Variants in SLC23A2 observed in about 807,000 individuals in gnomAD.
SLC23A2 encodes Na(+)/L-ascorbic acid transporter 2.
In SLC23A2, 36 loss-of-function variants were observed where a neutral mutation model predicts 73.3. The observed-to-expected ratio is 0.49, with a 90% CI of 0.38 to 0.65. The LOEUF is 0.65. SLC23A2 is among the 30% of genes least tolerant of loss of function. SLC23A2 has a pLI of 0.00. For synonymous variants in SLC23A2, 343 were observed against 327.3 expected (o/e 1.05, Z -0.52); for missense variants, 507 against 841.6 (o/e 0.60, Z 4.92).
At chr20:4,980,496 T>C (rs760145483) in intron 1 of SLC23A2, among the ~76,000 whole-genome samples, 20 of 152,100 alleles carry the variant, frequency 1.3e-4, no homozygotes, top group Non-Finnish European at 2.8e-4. Flanking sequence ...AAAATAGTTA[T>C]ATATATTGTA....
At chr20:4,971,350 G>T (rs2087557907) in intron 1 of SLC23A2, among the ~76,000 whole-genome samples, 1 of 151,218 alleles carries the variant, frequency 6.6e-6, no homozygotes, top group Admixed American at 6.6e-5. Context: ...GCCAAGTGTG[G>T]TGGTGCACAC....
In SLC23A2 at chr20:4,984,611, AAT is replaced by A. The variant is rs369120425; in HGVS notation, c.-281-13694_-281-13693del. On this transcript the variant is annotated intron_variant, in intron 1 of 16. Transcript: ENST00000338244. ...AACAAAAAAATGAGCCAAGAATTTG[AAT>A]AGACATCACTGCAAAGACAGCATAC... is the stretch of plus-strand genomic sequence containing the variant. 6.4e-3 allele frequency among the ~76,000 whole-genome samples: 970 copies of A among 152,234 alleles called. 51 individuals are homozygous for A. The South Asian group carries it at 0.14, about 22-fold the overall frequency.
chr20:4,901,076 T>C (rs1433212509), intron 5 of SLC23A2, among the ~76,000 whole-genome samples: 4 of 152,192 alleles, frequency 2.6e-5, no homozygotes, highest in South Asian at 2.1e-4. Flanking sequence ...GGAACATTTA[T>C]AAGATAAACA....
intron 9 of SLC23A2, among the ~76,000 whole-genome samples, chr20:4,881,755 T>G (rs1930893501): frequency 6.6e-6 from 1 of 152,244 alleles, no homozygotes. Context: ...GCTTTAAAGG[T>G]TGTGAATTTT....
At chr20:4,898,744 G>A (rs576882648) in intron 6 of SLC23A2, among the ~76,000 whole-genome samples, 84 of 152,368 alleles carry the variant, frequency 5.5e-4, no homozygotes, top group Non-Finnish European at 9.7e-4. Flanking sequence ...GGCTGGAAAT[G>A]CAGAAGTGAA....
At chr20:4,879,290 T>C (rs2122817249) in intron 9 of SLC23A2, among the ~76,000 whole-genome samples, 1 of 151,452 alleles carries the variant, frequency 6.6e-6, no homozygotes, top group South Asian at 2.1e-4. Flanking sequence ...ATGCCTGTAA[T>C]CCCAGCGACT....
intron 10 of SLC23A2, 39 bp downstream of exon 10, chr20:4,874,537 G>A: frequency 6.4e-7 from 1 of 1,564,438 alleles, no homozygotes; most frequent in Non-Finnish European, 8.7e-7. Context: ...TATTAACCAA[G>A]GGCAAAAATG....
chr20:4,861,748 C>G (rs1323423556), intron 15 of SLC23A2, among the ~76,000 whole-genome samples, 200 bp downstream of exon 15: 1 of 152,182 alleles, frequency 6.6e-6, no homozygotes. Context: ...GCATCCATGA[C>G]TGTTATGTGT....
At chr20:4,866,241 A>C (rs1159999128) in intron 13 of SLC23A2, among the ~76,000 whole-genome samples, 1 of 152,238 alleles carries the variant, frequency 6.6e-6, no homozygotes, top group African/African-American at 2.4e-5. Context: ...GAATAATGAC[A>C]ACAAAAAGTT....
intron 11 of SLC23A2, 96 bp from the exon 12 acceptor site, chr20:4,870,149 A>G (rs1930387263): frequency 9.9e-7 from 1 of 1,007,272 alleles, no homozygotes; most frequent in Admixed American, 2.5e-5. Flanking sequence ...GCAAGACTCT[A>G]CAAGATCCAC....
Position 4,916,283 on chromosome 20 carries a change from T to G in SLC23A2, c.109-3305A>C, listed in dbSNP as rs75191393. On this transcript the variant is annotated intron_variant, in intron 3 of 16. Coordinates refer to ENST00000338244, the MANE Select transcript of SLC23A2 (RefSeq NM_005116.6). ...AGCCAAGAGCAACACGCTCTCAGGATGAACTCTCCTAAAACACGGATCAGT... is the reference window on the plus strand; with the variant it reads ...AGCCAAGAGCAACACGCTCTCAGGAGGAACTCTCCTAAAACACGGATCAGT... Among the ~76,000 whole-genome samples the G allele has an allele frequency of 7.4e-4, 112 of 152,292 alleles. 1 individual carries two copies. The highest frequency in any genetic ancestry group is 2.6e-3 in the African/African-American group (109 of 41,556).
Position 4,868,072 on chromosome 20 carries a change from ATTTTTTTTTT to A in SLC23A2, c.1251-207_1251-198del, listed in dbSNP as rs574379772. On this transcript the variant is annotated intron_variant, in intron 12 of 16. Transcript: ENST00000338244. The surrounding 1 kb of genome is among the most constrained non-coding windows in gnomAD (Gnocchi z 4.4). ...CCTGCTGAAGCAGAAAAGAATCTGC[ATTTTTTTTTT>A]TTTTTTTTTTTTTTTTAGAGAGTGT... Among the ~76,000 whole-genome samples the A allele has an allele frequency of 4.7e-4, 44 of 94,414 alleles. No individual in the cohort carries two copies. The highest frequency in any genetic ancestry group is 1.9e-3 in the African/African-American group (39 of 20,600). 61.9% of individuals were successfully genotyped at this position (94,414 alleles called of 152,430 possible).
At chr20:4,915,466 T>C (rs1362705077) in intron 3 of SLC23A2, among the ~76,000 whole-genome samples, 1 of 152,204 alleles carries the variant, frequency 6.6e-6, no homozygotes, top group Non-Finnish European at 1.5e-5. Context: ...AATGAGTAAG[T>C]ACAATTTATT....
intron 1 of SLC23A2, among the ~76,000 whole-genome samples, chr20:4,986,651 C>CATACAT (rs879416930): frequency 7.0e-4 from 62 of 89,196 alleles, no homozygotes; most frequent in Non-Finnish European, 9.7e-4. Flanking sequence ...TACACACATA[C>CATACAT]ACACACACAC....
chr20:4,963,017 G>T (rs936581854), intron 2 of SLC23A2, among the ~76,000 whole-genome samples: 2 of 152,002 alleles, frequency 1.3e-5, no homozygotes, highest in Admixed American at 1.3e-4. Context: ...GCCAGATGAT[G>T]GCAAAGAGGA....
At position 4,854,881 on chromosome 20, in the gene SLC23A2, A is replaced by T. The variant is rs886955011; in HGVS notation, c.*2091T>A. The T allele has an allele frequency of 6.6e-6, 1 of 152,224 alleles. No homozygotes were observed. The highest frequency in any genetic ancestry group is 1.9e-4 in the East Asian group (1 of 5,196). 9.4% of individuals were successfully genotyped at this position (152,224 alleles called of 1,614,324 possible). ...TCACCTGGAGAGCTAGAAGATTGCA[A>T]ATCTCTGGGATGTTTAGCAGTTTTC... On this transcript the variant is annotated 3_prime_UTR_variant, in exon 17 of 17. Transcript: ENST00000338244.
At position 4,902,501 on chromosome 20, in the gene SLC23A2, T is replaced by C. The variant is rs1174486727; in HGVS notation, c.265A>G (p.Met89Val). The C allele has an allele frequency of 1.2e-6, 2 of 1,613,400 alleles. No individual in the cohort carries two copies. Among genetic ancestry groups the C allele is most frequent in the Admixed American group, 1.7e-5 (1 of 59,972 alleles). Reference protein sequence around the residue: ...TGSLDPQRSDMIYTIEDVPPW... With the variant: ...TGSLDPQRSDVIYTIEDVPPW... ...GGAACATCTTCTATGGTATAAATCA[T>C]GTCTGATCGCTGGGGGTCCAGACTG... The change falls in exon 5 of 17, where the codon ATG becomes GTG. Residue 89 changes from methionine (M) to valine (V), a missense_variant. Transcript: ENST00000338244. This position sits in a 1 kb window ranked among gnomAD's most constrained non-coding sequence, Gnocchi z 4.0.
At chr20:4,866,769 A>G (rs1348775175) in intron 13 of SLC23A2, among the ~76,000 whole-genome samples, 2 of 152,158 alleles carry the variant, frequency 1.3e-5, no homozygotes, top group Non-Finnish European at 2.9e-5. Flanking sequence ...CTTACATGGC[A>G]AAGGAGAGCT....
At chr20:4,961,790 C>T (rs192102990) in intron 2 of SLC23A2, among the ~76,000 whole-genome samples, 28 of 152,258 alleles carry the variant, frequency 1.8e-4, no homozygotes, top group Non-Finnish European at 2.9e-4. Flanking sequence ...TTTATGAAAA[C>T]ACAAACATAT....
Sources: gnomAD v4.1 joint callset for allele counts (sites outside exome capture counted in the v4.1 genomes callset) on GRCh38, gnomAD v4.1.1 for gene constraint, Gnocchi (gnomAD v3.1) non-coding constraint, MANE v1.5 for transcripts, NCBI Gene and HGNC (gene_info 2026-07-23, HGNC 2026-07-21) for gene names.